HPD: variants seen among roughly 807,000 people sequenced by gnomAD.
The protein encoded by HPD is 4-hydroxyphenylpyruvate dioxygenase.
In HPD, 35 loss-of-function variants were observed where a neutral mutation model predicts 56.9. The ratio of observed to expected loss-of-function variants is 0.62; its 90% CI spans 0.47 to 0.82. The LOEUF (loss-of-function observed/expected upper bound fraction) is 0.82, where lower values mean the gene tolerates loss of function less well. HPD is among the 40% of genes least tolerant of loss of function. The pLI is 0.00. For synonymous variants in HPD, 186 were observed against 200.2 expected (o/e 0.93, Z 0.60); for missense variants, 442 against 506.8 (o/e 0.87, Z 1.23).
At chr12:121,871,996 GC>G in the HPD span, among the ~76,000 whole-genome samples, 1 of 151,210 alleles carries the variant, frequency 6.6e-6, no homozygotes, top group Non-Finnish European at 1.5e-5. Flanking sequence ...ACTTTGGGAG[GC>G]CGAGGCGGGT....
chr12:121,887,235 G>A, the HPD span, among the ~76,000 whole-genome samples: 8 of 132,214 alleles, frequency 6.1e-5, no homozygotes, highest in African/African-American at 2.1e-4. Context: ...TTTTTTTGTA[G>A]AGATGGAGGT....
At chr12:121,864,848 G>A (rs1012466781), upstream of HPD, among the ~76,000 whole-genome samples, 7 of 123,542 alleles carry the variant, frequency 5.7e-5, no homozygotes, top group East Asian at 2.1e-4. Context: ...GTGAGACTCC[G>A]TCTCAAAAAC....
At chr12:121,876,097 G>A in the HPD span, among the ~76,000 whole-genome samples, 2 of 152,212 alleles carry the variant, frequency 1.3e-5, no homozygotes, top group East Asian at 3.9e-4. Context: ...GATCACCTGA[G>A]GTCAGGAGTT....
intron 11 of HPD, 68 bp downstream of exon 11, chr12:121,846,794 T>A: frequency 6.7e-7 from 1 of 1,498,064 alleles, no homozygotes. Flanking sequence ...ACCCGCCCTC[T>A]CAATTTTGCA....
chr12:121,861,825 A>G (rs928097125), upstream of HPD, among the ~76,000 whole-genome samples: 5 of 152,148 alleles, frequency 3.3e-5, no homozygotes, highest in African/African-American at 1.2e-4. Flanking sequence ...CTCGAGACAA[A>G]CAGTCTCTTG....
At chr12:121,855,546 C>T (rs540930193) in intron 6 of HPD, among the ~76,000 whole-genome samples, 114 of 152,178 alleles carry the variant, frequency 7.5e-4, no homozygotes, top group African/African-American at 2.7e-3. Flanking sequence ...GGCAAAACTC[C>T]ATCTCTACTA....
intron 6 of HPD, among the ~76,000 whole-genome samples, chr12:121,855,954 G>A (rs1218230040): frequency 1.0e-5 from 1 of 95,876 alleles, no homozygotes; most frequent in African/African-American, 4.6e-5. Flanking sequence ...TGGGCAACAA[G>A]AGCAAAACTC....
chr12:121,873,243 C>G, the HPD span, among the ~76,000 whole-genome samples: 1 of 152,230 alleles, frequency 6.6e-6, no homozygotes, highest in Non-Finnish European at 1.5e-5. Context: ...AGGAAGGCCT[C>G]AATGCCCAGC....
chr12:121,864,717 G>T (rs932787236), upstream of HPD, among the ~76,000 whole-genome samples: 17 of 151,556 alleles, frequency 1.1e-4, no homozygotes, highest in Non-Finnish European at 8.8e-5. Context: ...GCCAGGCATG[G>T]TGGCAGGCGC....
At chr12:121,877,141 G>C in the HPD span, among the ~76,000 whole-genome samples, 5 of 151,222 alleles carry the variant, frequency 3.3e-5, no homozygotes, top group Non-Finnish European at 5.9e-5. Flanking sequence ...GTTACCTACA[G>C]GGATAGAAGT....
chr12:121,851,678 T>C (rs1340846774), intron 7 of HPD, among the ~76,000 whole-genome samples: 2 of 123,488 alleles, frequency 1.6e-5, no homozygotes, highest in African/African-American at 6.4e-5. Context: ...AAAACATTTT[T>C]ATTCATTTAT....
At chr12:121,859,115 G>A (rs963988686), upstream of HPD, 4 of 506,830 alleles carry the variant, frequency 7.9e-6, no homozygotes, top group South Asian at 4.1e-5. Context: ...CGCTGGGAAT[G>A]TGACCATTAC....
the HPD span, among the ~76,000 whole-genome samples, chr12:121,871,998 C>T: frequency 1.0e-4 from 15 of 149,534 alleles, no homozygotes; most frequent in Admixed American, 6.7e-5. Context: ...TTTGGGAGGC[C>T]GAGGCGGGTG....
chr12:121,883,933 C>G, the HPD span, among the ~76,000 whole-genome samples: 1 of 152,024 alleles, frequency 6.6e-6, no homozygotes, highest in Non-Finnish European at 1.5e-5. Flanking sequence ...GAAACCATGA[C>G]GCTACACATC....
rs776324986 is a variant in HPD, at chr12:121,856,571, C to A, written c.241+12G>T. 6.2e-7 allele frequency: 1 copy of A among 1,613,782 alleles called. No individual in the cohort carries two copies. Among genetic ancestry groups the A allele is most frequent in the Non-Finnish European group, 8.5e-7 (1 of 1,179,822 alleles). ...CACAGAGCCATGCGTCCACCCTCCC[C>A]GGGCACCTCACCTTTGTTCCAGGGG... On this transcript the variant is annotated intron_variant, in intron 5 of 13. Coordinates refer to ENST00000289004, the MANE Select transcript of HPD (RefSeq NM_002150.3).
At chr12:121,865,276 T>G (rs1878294856), upstream of HPD, among the ~76,000 whole-genome samples, 1 of 151,694 alleles carries the variant, frequency 6.6e-6, no homozygotes, top group Admixed American at 6.6e-5. Context: ...TCTTTCTTTC[T>G]TTCTTTCTTT....
At chr12:121,850,690 GCCTTTTT>G (rs1877739665) in intron 7 of HPD, among the ~76,000 whole-genome samples, 1 of 121,926 alleles carries the variant, frequency 8.2e-6, no homozygotes, top group Admixed American at 9.2e-5. Context: ...ACTGTACCTA[GCCTTTTT>G]TTTTTTTTTT....
chr12:121,880,047 T>C, the HPD span, among the ~76,000 whole-genome samples: 1 of 150,974 alleles, frequency 6.6e-6, no homozygotes, highest in Non-Finnish European at 1.5e-5. Context: ...TTGGGGAGGC[T>C]GAGGTGGGGG....
chr12:121,882,408 C>G, the HPD span, among the ~76,000 whole-genome samples: 1 of 152,158 alleles, frequency 6.6e-6, no homozygotes, highest in African/African-American at 2.4e-5. Context: ...TTGAGAGAGG[C>G]AACTGAAGTT....
Sources: gnomAD v4.1 joint callset for allele counts (sites outside exome capture counted in the v4.1 genomes callset) on GRCh38, gnomAD v4.1.1 for gene constraint, MANE v1.5 for transcripts, NCBI Gene and HGNC (gene_info 2026-07-23, HGNC 2026-07-21) for gene names.